The following XDH variants were observed in gnomAD, a reference collection of about 807,000 sequenced individuals.
XDH encodes the protein xanthine dehydrogenase/oxidase.
A neutral mutation model predicts 156.1 loss-of-function variants in XDH; 138 were observed. That is an observed-to-expected ratio of 0.88 (90% confidence interval 0.77 to 1.02). The LOEUF is 1.02. Among genes scored for constraint, XDH ranks in the 50% least tolerant of loss-of-function variants. The pLI, the probability that XDH is intolerant of heterozygous loss-of-function variation, is 0.00. For missense variants in XDH, 1,849 were observed against 1,684.9 expected (o/e 1.10, Z -1.71); for synonymous variants, 669 against 625.7 (o/e 1.07, Z -1.03).
At chr2:31,378,883 T>A (rs1436204389) in intron 13 of XDH, among the ~76,000 whole-genome samples, 1 of 151,578 alleles carries the variant, frequency 6.6e-6, no homozygotes, top group Non-Finnish European at 1.5e-5. Flanking sequence ...AACTGTGAAA[T>A]TCAAAACTCT....
intron 6 of XDH, among the ~76,000 whole-genome samples, chr2:31,396,227 T>C (rs967235383): frequency 3.3e-5 from 5 of 152,178 alleles, no homozygotes; most frequent in African/African-American, 1.2e-4. Flanking sequence ...GGGAGGTAAG[T>C]TCTGCATGGT....
rs760761330 is a variant in XDH, at chr2:31,367,965, CACA to C, written c.2190_2192del (p.Val731del). On this transcript the variant is annotated inframe_deletion, in exon 20 of 36. Transcript: ENST00000379416. Reference sequence around the variant, plus strand: ...TGCGGCATGGAACAGCTCTACCTGACACAACATTATCTGCTTCGGAAAACCCCT... The same window carrying C: ...TGCGGCATGGAACAGCTCTACCTGACACATTATCTGCTTCGGAAAACCCCT... The C allele has an allele frequency of 1.5e-5, 25 of 1,614,034 alleles. No individual in the cohort carries two copies. Among genetic ancestry groups the C allele is most frequent in the Non-Finnish European group, 1.9e-5 (23 of 1,179,990 alleles).
intron 1 of XDH, among the ~76,000 whole-genome samples, chr2:31,408,958 A>G (rs1437171533): frequency 6.6e-6 from 1 of 152,264 alleles, no homozygotes. Flanking sequence ...TTAGCCATAA[A>G]AAAGAACGAG....
chr2:31,405,887 C>T lies in XDH; in HGVS notation c.100+20G>A. The stretch of plus-strand genomic sequence containing the variant: ...CCATTGCCCCCCTTCTCCGTCACTC[C>T]CACTCCAAAGTCAGGATACACTTTC... On this transcript the variant is annotated intron_variant, in intron 2 of 35. Coordinates refer to ENST00000379416, the MANE Select transcript of XDH (RefSeq NM_000379.4). 2 of 1,613,986 alleles carry T rather than the reference C, an allele frequency of 1.2e-6. No individual in the cohort carries two copies. The highest frequency in any genetic ancestry group is 2.2e-5 in the South Asian group (2 of 91,072).
intron 6 of XDH, among the ~76,000 whole-genome samples, chr2:31,390,475 C>T (rs1490181225): frequency 6.6e-6 from 1 of 152,196 alleles, no homozygotes; most frequent in Admixed American, 6.5e-5. Context: ...GTAAGCATGC[C>T]TGTGCAGGTT....
At chr2:31,336,231 T>C (rs959470536) in intron 35 of XDH, among the ~76,000 whole-genome samples, 1 of 152,212 alleles carries the variant, frequency 6.6e-6, no homozygotes, top group African/African-American at 2.4e-5. Flanking sequence ...TTCTATTAGG[T>C]TTTGGAGATA....
intron 19 of XDH, among the ~76,000 whole-genome samples, 157 bp downstream of exon 19, chr2:31,368,384 T>C (rs1558689753): frequency 6.6e-6 from 1 of 152,100 alleles, no homozygotes; most frequent in Non-Finnish European, 1.5e-5. Context: ...AAGGGGAAGG[T>C]TTCATGGGAC....
At chr2:31,350,582 G>T (rs1340406996) in intron 24 of XDH, among the ~76,000 whole-genome samples, 2 of 151,840 alleles carry the variant, frequency 1.3e-5, no homozygotes, top group African/African-American at 4.8e-5. Context: ...CACCATGTTG[G>T]CCTGGAAGGT....
Position 31,364,228 on chromosome 2 carries a change from G to T in XDH, c.2561C>A (p.Thr854Asn), listed in dbSNP as rs989956188. The change falls in exon 24 of 36, where the codon ACT becomes AAT. Residue 854 changes from threonine to asparagine, a missense_variant. Thr to Asn is a moderately conservative substitution (Grantham distance 65). Coordinates refer to ENST00000379416, the MANE Select transcript of XDH (RefSeq NM_000379.4). The stretch of plus-strand genomic sequence containing the variant: ...CACCTCAAGAGCCACAACTGTCCCA[G>T]TCTTCATGAAGCCAACCTGATAAAA... ...LARYKVGFMK[T>N]GTVVALEVDH... 1.9e-6 allele frequency: 3 copies of T among 1,614,048 alleles called. No individual in the cohort carries two copies. Among genetic ancestry groups the T allele is most frequent in the Non-Finnish European group, 2.5e-6 (3 of 1,180,040 alleles).
At chr2:31,401,816 G>A (rs113369827) in intron 3 of XDH, among the ~76,000 whole-genome samples, 84 of 152,352 alleles carry the variant, frequency 5.5e-4, no homozygotes, top group African/African-American at 1.9e-3. Context: ...ACATGAGACA[G>A]CAAGCCCTTA....
At chr2:31,343,320 A>G (rs1685183594) in intron 31 of XDH, among the ~76,000 whole-genome samples, 1 of 117,066 alleles carries the variant, frequency 8.5e-6, no homozygotes, top group Admixed American at 8.9e-5. Flanking sequence ...ATATATATAT[A>G]TATATATGCA....
At chr2:31,359,536 T>C (rs1437121791) in intron 24 of XDH, among the ~76,000 whole-genome samples, 3 of 152,146 alleles carry the variant, frequency 2.0e-5, no homozygotes, top group African/African-American at 7.2e-5. Flanking sequence ...TACAAACATA[T>C]ATTAATGGCT....
At chr2:31,396,721 T>C (rs1686915316) in intron 6 of XDH, among the ~76,000 whole-genome samples, 1 of 152,190 alleles carries the variant, frequency 6.6e-6, no homozygotes, top group South Asian at 2.1e-4. Flanking sequence ...GTGCCTCAAA[T>C]TGAACCCAGG....
At chr2:31,387,207 G>A (rs1686634918) in intron 8 of XDH, among the ~76,000 whole-genome samples, 1 of 152,212 alleles carries the variant, frequency 6.6e-6, no homozygotes, top group South Asian at 2.1e-4. Flanking sequence ...TCTCTGGCCT[G>A]TTGAAGCTAC....
chr2:31,342,572 C>T (rs548133796), intron 31 of XDH, among the ~76,000 whole-genome samples: 1 of 152,270 alleles, frequency 6.6e-6, no homozygotes, highest in South Asian at 2.1e-4. Flanking sequence ...CTAGCCTCTG[C>T]ACAGTAGAAA....
In XDH at chr2:31,386,343, G is replaced by T. The variant is rs1015058397; in HGVS notation, c.793+71C>A. 6.3e-6 allele frequency: 10 copies of T among 1,593,446 alleles called. No individual in the cohort carries two copies. In the African/African-American group the frequency reaches 1.2e-4, roughly 19 times the overall value. The stretch of plus-strand genomic sequence containing the variant: ...GGCAAGTAAAGTCAGGGGGAGGTGA[G>T]GATGGGCAAGAGGACCTAGAAACAC... On this transcript the variant is annotated intron_variant, in intron 9 of 35. Coordinates refer to ENST00000379416, the MANE Select transcript of XDH (RefSeq NM_000379.4).
At chr2:31,371,866 G>C (rs1409674752) in intron 17 of XDH, among the ~76,000 whole-genome samples, 2 of 152,174 alleles carry the variant, frequency 1.3e-5, no homozygotes, top group East Asian at 3.9e-4. Context: ...GATCTGCTCA[G>C]CAGGGTATGT....
At chr2:31,406,093 C>A in intron 1 of XDH, 129 bp from the exon 2 acceptor site, 1 of 1,021,344 alleles carries the variant, frequency 9.8e-7, no homozygotes, top group Non-Finnish European at 1.5e-6. Context: ...AGTTTGCACT[C>A]TGCCCCTCTA....
At chr2:31,393,130 T>C (rs2147999384) in intron 6 of XDH, among the ~76,000 whole-genome samples, 1 of 152,362 alleles carries the variant, frequency 6.6e-6, no homozygotes, top group African/African-American at 2.4e-5. Flanking sequence ...AAGTAGTCTA[T>C]AAATGTCAAT....
Sources: gnomAD v4.1 joint callset for allele counts (sites outside exome capture counted in the v4.1 genomes callset) on GRCh38, gnomAD v4.1.1 for gene constraint, MANE v1.5 for transcripts, NCBI Gene and HGNC (gene_info 2026-07-23, HGNC 2026-07-21) for gene names.